The following PTER variants were observed in gnomAD, a reference collection of about 807,000 sequenced individuals.
The protein encoded by PTER is phosphotriesterase related.
In PTER, 38 loss-of-function variants were observed where a neutral mutation model predicts 29.6. The ratio of observed to expected loss-of-function variants is 1.28; its 90% CI spans 0.99 to 1.68. The LOEUF is 1.68. PTER is among the 40% of genes most tolerant of loss of function. PTER has a pLI of 0.00. For missense variants in PTER, 482 were observed against 427.8 expected, an observed-to-expected ratio of 1.13 and a Z score of -1.12; for synonymous variants, 172 against 154.5, an observed-to-expected ratio of 1.11 and a Z score of -0.84.
chr10:16,473,572 C>G (rs953293085), intron 1 of PTER, among the ~76,000 whole-genome samples: 3 of 142,496 alleles, frequency 2.1e-5, no homozygotes, highest in Admixed American at 1.5e-4. Flanking sequence ...GTAAGCATTC[C>G]TGTGTCCTTA....
intron 1 of PTER, among the ~76,000 whole-genome samples, chr10:16,474,611 G>C (rs918070205): frequency 6.6e-6 from 1 of 152,078 alleles, no homozygotes; most frequent in African/African-American, 2.4e-5. Flanking sequence ...AATTTGGTCA[G>C]GCTTCGTGGG....
chr10:16,486,093 C>T (rs1490264753), intron 2 of PTER, among the ~76,000 whole-genome samples: 1 of 152,090 alleles, frequency 6.6e-6, no homozygotes, highest in African/African-American at 2.4e-5. Flanking sequence ...CTTTGTCCCC[C>T]TCCAGCTTCC....
chr10:16,450,643 G>T (rs1834172213), intron 1 of PTER, among the ~76,000 whole-genome samples: 1 of 152,126 alleles, frequency 6.6e-6, no homozygotes, highest in African/African-American at 2.4e-5. Flanking sequence ...CACAATTTCA[G>T]CCCTTTGTCT....
At chr10:16,465,556 TA>T (rs780291136) in intron 1 of PTER, among the ~76,000 whole-genome samples, 65 of 152,292 alleles carry the variant, frequency 4.3e-4, no homozygotes, top group Non-Finnish European at 8.5e-4. Flanking sequence ...AAAGAGGACA[TA>T]ATGCCAACGA....
intron 1 of PTER, among the ~76,000 whole-genome samples, chr10:16,462,959 C>T (rs941286069): frequency 1.5e-4 from 22 of 151,362 alleles, no homozygotes; most frequent in Non-Finnish European, 1.3e-4. Context: ...TTTGGGAGGC[C>T]GAGGAGTGCA....
intron 1 of PTER, among the ~76,000 whole-genome samples, chr10:16,447,497 G>A (rs1454450561): frequency 6.6e-6 from 1 of 151,934 alleles, no homozygotes; most frequent in African/African-American, 2.4e-5. Flanking sequence ...TTATTTTTGT[G>A]TTAGTAATAA....
chr10:16,512,984 A>G lies in PTER; in HGVS notation c.*1728A>G, dbSNP rs1836869589. On this transcript the variant is annotated 3_prime_UTR_variant, in exon 5 of 5. Coordinates refer to ENST00000535784, the MANE Select transcript of PTER (RefSeq NM_001261836.2). The stretch of plus-strand genomic sequence containing the variant: ...TACTCTCCAAATCTACTGTACTGTC[A>G]GCTTCACTCCACCTGAGAAAAAAGA... 1 of 152,556 alleles carries G rather than the reference A, an allele frequency of 6.6e-6. No homozygotes were observed. The highest frequency in any genetic ancestry group is 1.5e-5 in the Non-Finnish European group (1 of 67,974). 9.5% of individuals were successfully genotyped at this position (152,556 alleles called of 1,614,324 possible). A position where few individuals can be genotyped will look rare whatever the true frequency, so the allele number is the denominator to read the frequency against.
In PTER at chr10:16,463,117, C is replaced by T. The variant is rs566339329; in HGVS notation, c.-48-21220C>T. ...CTGAGGCAGCAGAATCGCTTGAACC[C>T]GGGAGGCGGAGGTTGCAGTGAGCCA... On this transcript the variant is annotated intron_variant, in intron 1 of 4. Transcript: ENST00000535784. Among the ~76,000 whole-genome samples, 5 of 149,562 alleles carry T rather than the reference C, an allele frequency of 3.3e-5. No individual in the cohort carries two copies. In the South Asian group the frequency reaches 8.7e-4, roughly 26 times the overall value.
chr10:16,478,532 C>G (rs1835363262), intron 1 of PTER, among the ~76,000 whole-genome samples: 1 of 151,924 alleles, frequency 6.6e-6, no homozygotes, highest in South Asian at 2.1e-4. Flanking sequence ...CGGGGTTTTA[C>G]TATGTTGGCC....
intron 3 of PTER, among the ~76,000 whole-genome samples, chr10:16,496,333 T>C (rs1836096463): frequency 1.3e-5 from 2 of 152,118 alleles, no homozygotes; most frequent in Admixed American, 6.5e-5. Flanking sequence ...AATCCGAAGG[T>C]CTTGGTCTTC....
chr10:16,505,255 A>G (rs1836518405), intron 4 of PTER, 95 bp downstream of exon 4: 1 of 1,459,728 alleles, frequency 6.9e-7, no homozygotes, highest in Non-Finnish European at 9.3e-7. Context: ...AGAAAACAGT[A>G]AGCAGGCCGA....
chr10:16,500,009 T>G (rs1836272699), intron 3 of PTER, among the ~76,000 whole-genome samples: 1 of 151,826 alleles, frequency 6.6e-6, no homozygotes, highest in African/African-American at 2.4e-5. Context: ...GTGCTGGGAT[T>G]ACAGGCATGA....
chr10:16,489,521 G>A (rs919409201), intron 3 of PTER, among the ~76,000 whole-genome samples: 4 of 147,634 alleles, frequency 2.7e-5, no homozygotes, highest in African/African-American at 1.0e-4. Context: ...ATTATTATGA[G>A]TATTAGGTTG....
At chr10:16,502,003 A>G (rs909475950) in intron 3 of PTER, among the ~76,000 whole-genome samples, 1 of 152,254 alleles carries the variant, frequency 6.6e-6, no homozygotes, top group East Asian at 1.9e-4. Flanking sequence ...TTTATTTTCA[A>G]TTGGAGCTAA....
intron 3 of PTER, 48 bp downstream of exon 3, chr10:16,486,665 G>T: frequency 6.5e-7 from 1 of 1,547,356 alleles, no homozygotes; most frequent in Non-Finnish European, 8.7e-7. Flanking sequence ...TATAATTAAT[G>T]CATGATCAAA....
chr10:16,466,288 T>G (rs1418415259), intron 1 of PTER, among the ~76,000 whole-genome samples: 2 of 142,612 alleles, frequency 1.4e-5, no homozygotes, highest in Non-Finnish European at 3.0e-5. Flanking sequence ...GACCTTTTTC[T>G]GTTATAACTA....
intron 3 of PTER, among the ~76,000 whole-genome samples, chr10:16,499,788 AAGG>A (rs911585168): frequency 6.6e-6 from 1 of 152,002 alleles, no homozygotes; most frequent in Non-Finnish European, 1.5e-5. Flanking sequence ...TAGTTACCCC[AAGG>A]AGGTCATATC....
rs779550333 is a variant in PTER, at chr10:16,469,219, G to A, written c.-48-15118G>A. 3.9e-4 allele frequency among the ~76,000 whole-genome samples: 60 copies of A among 152,266 alleles called. 1 individual carries two copies. The highest frequency in any genetic ancestry group is 3.4e-3 in the Middle Eastern group (1 of 294). The stretch of plus-strand genomic sequence containing the variant: ...TTTGCAAGCTGAGAGCAAAGAGGCA[G>A]AAACCTGCTCAGAGACCTTGCGACA... On this transcript the variant is annotated intron_variant, in intron 1 of 4. Transcript: ENST00000535784.
chr10:16,494,887 T>C (rs1303874346), intron 3 of PTER, among the ~76,000 whole-genome samples: 1 of 152,202 alleles, frequency 6.6e-6, no homozygotes, highest in Non-Finnish European at 1.5e-5. Context: ...AGAATATACA[T>C]GAATAATGTT....
Sources: gnomAD v4.1 joint callset for allele counts (sites outside exome capture counted in the v4.1 genomes callset) on GRCh38, gnomAD v4.1.1 for gene constraint, MANE v1.5 for transcripts, NCBI Gene and HGNC (gene_info 2026-07-23, HGNC 2026-07-21) for gene names.